Variants in RFX4 observed in about 807,000 individuals in gnomAD.
RFX4 encodes the protein regulatory factor X4, also known as transcription factor RFX4.
RFX4 carries 10 observed loss-of-function variants against 95.0 expected under a neutral mutation model. That is an observed-to-expected ratio of 0.11 (90% confidence interval 0.06 to 0.18). RFX4 has a LOEUF of 0.18. Ranked by LOEUF, RFX4 falls within the 10% of genes least tolerant of loss-of-function variation. RFX4 has a pLI of 1.00. For synonymous variants in RFX4, 321 were observed against 340.7 expected (o/e 0.94, Z 0.64); for missense variants, 640 against 922.0 (o/e 0.69, Z 3.96).
chr12:106,697,532 C>G (rs1283860160), intron 8 of RFX4, among the ~76,000 whole-genome samples: 1 of 149,926 alleles, frequency 6.7e-6, no homozygotes, highest in Non-Finnish European at 1.5e-5. Flanking sequence ...TGACTTAAAA[C>G]AACAGAAAAG....
intron 4 of RFX4, among the ~76,000 whole-genome samples, chr12:106,679,931 A>G (rs990854953): frequency 6.6e-6 from 1 of 152,206 alleles, no homozygotes; most frequent in African/African-American, 2.4e-5. Flanking sequence ...CCCATCTTGA[A>G]TCACTGCCTT....
intron 1 of RFX4, among the ~76,000 whole-genome samples, chr12:106,589,540 TA>T (rs1421863438): frequency 6.6e-6 from 1 of 152,182 alleles, no homozygotes; most frequent in Non-Finnish European, 1.5e-5. Flanking sequence ...AGTCTCTTTT[TA>T]GGATGAAAGA....
At chr12:106,731,988 A>G in intron 13 of RFX4, 142 bp from the exon 14 acceptor site, 2 of 1,199,844 alleles carry the variant, frequency 1.7e-6, no homozygotes, top group Non-Finnish European at 2.3e-6. Context: ...ACCTATGACC[A>G]TGAGGAGATC....
intron 2 of RFX4, among the ~76,000 whole-genome samples, chr12:106,634,778 G>C (rs2137268837): frequency 6.6e-6 from 1 of 152,258 alleles, no homozygotes; most frequent in East Asian, 1.9e-4. Flanking sequence ...CCAGGACACA[G>C]CTCACCTATC....
intron 5 of RFX4, chr12:106,682,694 G>C (rs1010028583): frequency 6.6e-6 from 1 of 152,394 alleles, no homozygotes; most frequent in African/African-American, 2.4e-5. Flanking sequence ...TTGTAGCAGA[G>C]AGCAACAAAA....
At chr12:106,691,748 T>C (rs2041787830) in intron 7 of RFX4, among the ~76,000 whole-genome samples, 2 of 152,212 alleles carry the variant, frequency 1.3e-5, no homozygotes, top group Non-Finnish European at 2.9e-5. Context: ...CACTACTATA[T>C]CCTATCTAGC....
At chr12:106,649,015 A>G (rs1255140839) in intron 3 of RFX4, among the ~76,000 whole-genome samples, 2 of 152,280 alleles carry the variant, frequency 1.3e-5, no homozygotes, top group South Asian at 2.1e-4. Flanking sequence ...TTATCTCTCC[A>G]TAATAGGATA....
intron 4 of RFX4, among the ~76,000 whole-genome samples, chr12:106,665,612 T>C (rs565726412): frequency 6.6e-6 from 1 of 152,170 alleles, no homozygotes; most frequent in African/African-American, 2.4e-5. Context: ...TAATTGAGCA[T>C]TTCATATCAT....
rs1241378870 is a variant in RFX4, at chr12:106,586,138, G to T, written c.43+2775G>T. On this transcript the variant is annotated intron_variant, in intron 1 of 17. Coordinates refer to ENST00000392842, the MANE Select transcript of RFX4 (RefSeq NM_213594.3). The surrounding 1 kb of genome is among the most constrained non-coding windows in gnomAD (Gnocchi z 5.6). Reference sequence around the variant, plus strand: ...AGCCCCTCTCGGAGGCAAAGCCCCAGCTTGCCGCGCGCCGCGGTGCTCCGG... The same window carrying T: ...AGCCCCTCTCGGAGGCAAAGCCCCATCTTGCCGCGCGCCGCGGTGCTCCGG... 6.6e-6 allele frequency among the ~76,000 whole-genome samples: 1 copy of T among 152,188 alleles called. No individual in the cohort carries two copies. Among genetic ancestry groups the T allele is most frequent in the East Asian group, 1.9e-4 (1 of 5,184 alleles).
Position 106,654,460 on chromosome 12 carries a change from C to G in RFX4, c.315+109C>G, listed in dbSNP as rs2040916896. 4 of 1,294,920 alleles carry G rather than the reference C, an allele frequency of 3.1e-6. No individual in the cohort carries two copies. The East Asian group carries it at 1.1e-4, about 34-fold the overall frequency. The allele number at this position is 1,294,920 out of a possible 1,614,324, so 80.2% of individuals were successfully genotyped here. A position where few individuals can be genotyped will look rare whatever the true frequency, so the allele number is the denominator to read the frequency against. On this transcript the variant is annotated intron_variant, in intron 4 of 17. Transcript: ENST00000392842. ...TTTTTTTAAGTTATCAAAGTACTTACTTACTTTGGTACTTTGACAACTTCA... is the reference window on the plus strand; with the variant it reads ...TTTTTTTAAGTTATCAAAGTACTTAGTTACTTTGGTACTTTGACAACTTCA...
At chr12:106,729,407 A>G (rs145965595) in intron 13 of RFX4, among the ~76,000 whole-genome samples, 3 of 152,322 alleles carry the variant, frequency 2.0e-5, no homozygotes, top group East Asian at 1.9e-4. Context: ...ATAGCTACCA[A>G]TTATTAAGCA....
At chr12:106,609,643 C>T (rs2039914836) in intron 2 of RFX4, among the ~76,000 whole-genome samples, 1 of 152,206 alleles carries the variant, frequency 6.6e-6, no homozygotes, top group Admixed American at 6.5e-5. Flanking sequence ...TGAGTCTTAG[C>T]TGGCATTGTC....
At chr12:106,722,644 G>C (rs978239945) in intron 13 of RFX4, among the ~76,000 whole-genome samples, 2 of 152,312 alleles carry the variant, frequency 1.3e-5, no homozygotes, top group East Asian at 3.9e-4. Flanking sequence ...AGGAGAAAAA[G>C]AGATATTAAC....
chr12:106,601,288 G>T (rs754869980), intron 1 of RFX4: 1 of 1,593,408 alleles, frequency 6.3e-7, no homozygotes, highest in African/African-American at 1.3e-5. Flanking sequence ...TGATCAAAAG[G>T]AGAGCCCACC....
chr12:106,752,979 T>C (rs2043037570), intron 17 of RFX4, among the ~76,000 whole-genome samples: 7 of 152,094 alleles, frequency 4.6e-5, no homozygotes. Flanking sequence ...CATATCCAGC[T>C]TAGATGAAGA....
intron 15 of RFX4, among the ~76,000 whole-genome samples, chr12:106,735,038 C>A: frequency 7.1e-6 from 1 of 140,930 alleles, no homozygotes; most frequent in Non-Finnish European, 1.5e-5. Flanking sequence ...TGGGTGATAG[C>A]CTGTTTAAAA....
intron 3 of RFX4, among the ~76,000 whole-genome samples, chr12:106,647,447 C>T (rs779571879): frequency 7.9e-5 from 12 of 152,118 alleles, no homozygotes; most frequent in Non-Finnish European, 1.8e-4. Flanking sequence ...AGGGTAGGCA[C>T]TTGAAAATAT....
rs572708325 is a variant in RFX4, at chr12:106,698,977, T to C, written c.833+2531T>C. 1.8e-4 allele frequency among the ~76,000 whole-genome samples: 27 copies of C among 152,192 alleles called. 1 individual carries two copies. In the East Asian group the frequency reaches 5.2e-3, roughly 29 times the overall value. On this transcript the variant is annotated intron_variant, in intron 8 of 17. Coordinates refer to ENST00000392842, the MANE Select transcript of RFX4 (RefSeq NM_213594.3). ...TGGGTTTATTTTGCTCTTCTTTTTT[T>C]AGTTTCTTTAAGTGAAAGCTTAGGT...
At chr12:106,687,190 A>T (rs1214779052) in intron 6 of RFX4, 93 bp downstream of exon 6, 4,558 of 359,358 alleles carry the variant, frequency 0.013, 60 homozygotes, top group African/African-American at 0.11. Flanking sequence ...TCTCACACAC[A>T]CACACACACA....
Sources: gnomAD v4.1 joint callset for allele counts (sites outside exome capture counted in the v4.1 genomes callset) on GRCh38, gnomAD v4.1.1 for gene constraint, Gnocchi (gnomAD v3.1) non-coding constraint, MANE v1.5 for transcripts, NCBI Gene and HGNC (gene_info 2026-07-23, HGNC 2026-07-21) for gene names.